Variants in APC observed in about 807,000 individuals in gnomAD.
APC encodes adenomatous polyposis coli protein.
A neutral mutation model predicts 247.0 loss-of-function variants in APC; 72 were observed. That is an observed-to-expected ratio of 0.29 (90% CI 0.24 to 0.35). The LOEUF (loss-of-function observed/expected upper bound fraction) is 0.35. APC is among the 10% of genes least tolerant of loss of function. The probability of loss-of-function intolerance (pLI) is 1.00; values close to 1 mark genes in which losing one functional copy is unlikely to be tolerated. For missense variants in APC, 3,400 were observed against 3,360.7 expected, an observed-to-expected ratio of 1.01 and a Z score of -0.29; for synonymous variants, 1,254 against 1,162.5, an observed-to-expected ratio of 1.08 and a Z score of -1.60.
Position 112,835,152 on chromosome 5 carries a change from A to G in APC, c.1945A>G (p.Asn649Asp), listed in dbSNP as rs1156576151. 1.2e-6 allele frequency: 2 copies of G among 1,613,796 alleles called. No homozygotes were observed. The highest frequency in any genetic ancestry group is 1.7e-6 in the Non-Finnish European group (2 of 1,179,752). ...LRNVSSLIATNEDHRQILREN... is the reference protein window; with the variant it reads ...LRNVSSLIATDEDHRQILREN... ...GAATGTGTCCAGCTTGATAGCTACAAATGAGGACCACAGGTATATATAGAG... is the reference window on the plus strand; with the variant it reads ...GAATGTGTCCAGCTTGATAGCTACAGATGAGGACCACAGGTATATATAGAG... Residue 649 changes from asparagine to aspartate, a missense_variant, in exon 15 of 16, where the codon AAT becomes GAT. This residue lies in a region of APC where 184 missense variants were observed against 248.0 expected (regional missense o/e 0.74). Coordinates refer to ENST00000257430, the MANE Select transcript of APC (RefSeq NM_000038.6).
At chr5:112,794,255 A>AT (rs1193133099) in intron 7 of APC, among the ~76,000 whole-genome samples, 3 of 151,884 alleles carry the variant, frequency 2.0e-5, no homozygotes, top group Non-Finnish European at 4.4e-5. Context: ...TAATTTTTGT[A>AT]TTTTTTGTAG....
At chr5:112,733,251 A>G (rs1157796572), upstream of APC, among the ~76,000 whole-genome samples, 2 of 152,202 alleles carry the variant, frequency 1.3e-5, no homozygotes, top group Admixed American at 6.5e-5. Context: ...GCTCCCTACA[A>G]ATGTCTGCTT....
At position 112,767,776 on chromosome 5, in the gene APC, G is replaced by A. The variant is rs369031244; in HGVS notation, c.422+386G>A. Among the ~76,000 whole-genome samples the A allele has an allele frequency of 3.6e-4, 55 of 151,938 alleles. No homozygotes were observed. In the South Asian group the frequency reaches 3.9e-3, roughly 11 times the overall value. Reference sequence around the variant, plus strand: ...CACCCAAGTAGCTGAAACTATAGACGCCTACCACCACGCCTGGCTAATTTT... The same window carrying A: ...CACCCAAGTAGCTGAAACTATAGACACCTACCACCACGCCTGGCTAATTTT... On this transcript the variant is annotated intron_variant, in intron 4 of 15. Transcript: ENST00000257430.
chr5:112,718,012 A>T (rs1448906792), intron 1 of APC, among the ~76,000 whole-genome samples: 2 of 121,298 alleles, frequency 1.6e-5, no homozygotes, highest in African/African-American at 3.0e-5. Context: ...TTTTTTTTTC[A>T]CCTATGCCTA....
At chr5:112,788,053 G>A (rs534573539) in intron 6 of APC, among the ~76,000 whole-genome samples, 32 of 152,070 alleles carry the variant, frequency 2.1e-4, no homozygotes, top group Admixed American at 1.2e-3. Context: ...ATTGGATACC[G>A]CACTAGTTCC....
chr5:112,825,618 G>A (rs570495047), intron 11 of APC, among the ~76,000 whole-genome samples: 3 of 152,298 alleles, frequency 2.0e-5, no homozygotes, highest in South Asian at 2.1e-4. Context: ...TTGGGAGGCC[G>A]AGGCAGGAGA....
At chr5:112,828,080 G>C in intron 13 of APC, 74 bp downstream of exon 13, 2 of 1,233,486 alleles carry the variant, frequency 1.6e-6, no homozygotes, top group Non-Finnish European at 2.4e-6. Context: ...TGTCACCCAG[G>C]CTTAGAGGGC....
At chr5:112,755,448 C>T (rs528464934) in intron 2 of APC, among the ~76,000 whole-genome samples, 3 of 152,214 alleles carry the variant, frequency 2.0e-5, no homozygotes, top group Non-Finnish European at 4.4e-5. Context: ...TCAAGAAAAT[C>T]AGGATACCCT....
At chr5:112,708,839 C>T (rs1219801516) in intron 1 of APC, among the ~76,000 whole-genome samples, 1 of 152,082 alleles carries the variant, frequency 6.6e-6, no homozygotes, top group East Asian at 1.9e-4. Flanking sequence ...AGTCTTGTGC[C>T]AGTCTCAGTA....
chr5:112,780,666 C>A, intron 5 of APC, 124 bp from the exon 6 acceptor site: 1 of 687,546 alleles, frequency 1.5e-6, no homozygotes, highest in Non-Finnish European at 2.6e-6. Flanking sequence ...AAATAATTTT[C>A]TCATGCACCA....
chr5:112,803,325 A>G (rs1262314726), intron 8 of APC, among the ~76,000 whole-genome samples: 1 of 152,172 alleles, frequency 6.6e-6, no homozygotes, highest in Non-Finnish European at 1.5e-5. Flanking sequence ...ATGTTTGAAG[A>G]GATTCATCAT....
chr5:112,714,049 A>G (rs1751020804), intron 1 of APC, among the ~76,000 whole-genome samples: 2 of 152,234 alleles, frequency 1.3e-5, no homozygotes, highest in Non-Finnish European at 1.5e-5. Flanking sequence ...TCAGTGGTAT[A>G]TCCCAGTTTG....
At chr5:112,775,926 T>C (rs1757596849) in intron 5 of APC, among the ~76,000 whole-genome samples, 189 bp downstream of exon 5, 1 of 152,224 alleles carries the variant, frequency 6.6e-6, no homozygotes, top group Non-Finnish European at 1.5e-5. Flanking sequence ...GATAAAACTT[T>C]ATTGTGCTCA....
exon 1 of APC, chr5:112,707,704 C>A: frequency 7.3e-7 from 1 of 1,370,630 alleles, no homozygotes. Context: ...CCTTCTCGGG[C>A]CTCGGCGCCC....
At chr5:112,741,288 A>G (rs1752985225) in intron 1 of APC, among the ~76,000 whole-genome samples, 1 of 152,208 alleles carries the variant, frequency 6.6e-6, no homozygotes, top group South Asian at 2.1e-4. Flanking sequence ...AATTTAGAAG[A>G]ATATGGTGGA....
chr5:112,735,500 C>CATATATATAT (rs3884086), upstream of APC, among the ~76,000 whole-genome samples: 656 of 146,638 alleles, frequency 4.5e-3, 4 homozygotes, highest in African/African-American at 6.5e-3. Context: ...TTAATGCATA[C>CATATATATAT]ATATATATAT....
chr5:112,719,851 A>T (rs994927403), intron 1 of APC, among the ~76,000 whole-genome samples: 14 of 152,206 alleles, frequency 9.2e-5, no homozygotes, highest in African/African-American at 3.4e-4. Flanking sequence ...CCAATTTTCA[A>T]TAAAAATTCT....
chr5:112,826,674 CAA>C (rs796620960), intron 11 of APC, among the ~76,000 whole-genome samples: 1 of 126,644 alleles, frequency 7.9e-6, no homozygotes. Flanking sequence ...AATTATTTGC[CAA>C]AAAAAAAAAA....
intron 6 of APC, among the ~76,000 whole-genome samples, chr5:112,785,372 A>G (rs1460773712): frequency 6.6e-6 from 1 of 152,180 alleles, no homozygotes; most frequent in African/African-American, 2.4e-5. Context: ...AGCAATAACT[A>G]CCAGTTAAAG....
Sources: gnomAD v4.1 joint callset for allele counts (sites outside exome capture counted in the v4.1 genomes callset) on GRCh38, gnomAD v4.1.1 for gene constraint, gnomAD v4.1.1 regional missense constraint, MANE v1.5 for transcripts, NCBI Gene and HGNC (gene_info 2026-07-23, HGNC 2026-07-21) for gene names.